Variants in RPAP2 observed in about 807,000 individuals in gnomAD.
RPAP2 encodes putative RNA polymerase II subunit B1 CTD phosphatase RPAP2.
Under a neutral mutation model 73.1 loss-of-function variants are expected in RPAP2, and 52 were observed. The ratio of observed to expected loss-of-function variants is 0.71; its 90% CI spans 0.57 to 0.90. The LOEUF is 0.90. Ranked by LOEUF, RPAP2 falls within the 40% of genes least tolerant of loss-of-function variation. RPAP2 has a pLI of 0.00. For synonymous variants in RPAP2, 225 were observed against 242.1 expected, an observed-to-expected ratio of 0.93 and a Z score of 0.65; for missense variants, 598 against 701.8, an observed-to-expected ratio of 0.85 and a Z score of 1.67.
At position 92,387,698 on chromosome 1, in the gene RPAP2, G is replaced by A. The variant is rs1655915229; in HGVS notation, c.*687G>A. 6.6e-6 allele frequency: 1 copy of A among 152,174 alleles called. No individual in the cohort carries two copies. The highest frequency in any genetic ancestry group is 2.1e-4 in the South Asian group (1 of 4,826). 9.4% of individuals were successfully genotyped at this position (152,174 alleles called of 1,614,324 possible). ...GCCAAGAAAATACTCTTGGACACTGGAGGAAATGACAGCTACTAAAGCCCA... is the reference window on the plus strand; with the variant it reads ...GCCAAGAAAATACTCTTGGACACTGAAGGAAATGACAGCTACTAAAGCCCA... On this transcript the variant is annotated 3_prime_UTR_variant, in exon 13 of 13. Coordinates refer to ENST00000610020, the MANE Select transcript of RPAP2 (RefSeq NM_024813.3).
At chr1:92,316,944 T>G (rs1260133981) in intron 6 of RPAP2, among the ~76,000 whole-genome samples, 1 of 152,180 alleles carries the variant, frequency 6.6e-6, no homozygotes, top group East Asian at 1.9e-4. Context: ...TTTAAGATAG[T>G]TAAGATCTAG....
Position 92,397,734 on chromosome 1 carries a change from A to G in RPAP2, c.*10723A>G, listed in dbSNP as rs1271080404. 1 of 152,274 alleles carries G rather than the reference A, an allele frequency of 6.6e-6. No homozygotes were observed. Among genetic ancestry groups the G allele is most frequent in the Non-Finnish European group, 1.5e-5 (1 of 68,054 alleles). The allele number at this position is 152,274 out of a possible 1,614,324, so 9.4% of individuals were successfully genotyped here. ...AAGAACCCAGGCTTCTTGAGAAAAT[A>G]GCTAGGTTCTAAGGCTAGAGCCAAA... is the stretch of plus-strand genomic sequence containing the variant. On this transcript the variant is annotated 3_prime_UTR_variant, in exon 13 of 13. Coordinates refer to ENST00000610020, the MANE Select transcript of RPAP2 (RefSeq NM_024813.3).
At chr1:92,342,853 C>T (rs1458341954) in intron 10 of RPAP2, among the ~76,000 whole-genome samples, 1 of 152,096 alleles carries the variant, frequency 6.6e-6, no homozygotes, top group Non-Finnish European at 1.5e-5. Context: ...AGGAGTGTCA[C>T]ACCATCCTTA....
chr1:92,317,987 A>G (rs1254203579), intron 6 of RPAP2, among the ~76,000 whole-genome samples: 2 of 152,128 alleles, frequency 1.3e-5, no homozygotes, highest in African/African-American at 4.8e-5. Context: ...CACAACCTCT[A>G]TCTCAATCTG....
intron 11 of RPAP2, among the ~76,000 whole-genome samples, chr1:92,364,929 G>GA (rs1654878478): frequency 6.6e-6 from 1 of 152,148 alleles, no homozygotes; most frequent in Non-Finnish European, 1.5e-5. Context: ...AATTTTGCAT[G>GA]AAATTCAAGG....
chr1:92,384,156 C>T (rs1655766836), intron 12 of RPAP2, among the ~76,000 whole-genome samples: 2 of 151,326 alleles, frequency 1.3e-5, no homozygotes, highest in South Asian at 4.2e-4. Flanking sequence ...TGGGGTTTCA[C>T]CATGTTGGCC....
At chr1:92,354,890 AATTATTATTATT>A (rs58610684) in intron 11 of RPAP2, among the ~76,000 whole-genome samples, 10 of 147,684 alleles carry the variant, frequency 6.8e-5, no homozygotes, top group African/African-American at 5.0e-5. Context: ...AATTTATGTA[AATTATTATTATT>A]ATTATTATTA....
In RPAP2 at chr1:92,304,304, A is replaced by G. The variant is rs1651058876; in HGVS notation, c.354A>G (p.Lys118=). 6.6e-7 allele frequency: 1 copy of G among 1,504,590 alleles called. No individual in the cohort carries two copies. Among genetic ancestry groups the G allele is most frequent in the East Asian group, 2.3e-5 (1 of 44,144 alleles). 93.2% of individuals were successfully genotyped at this position (1,504,590 alleles called of 1,614,324 possible). A position where few individuals can be genotyped will look rare whatever the true frequency, so the allele number is the denominator to read the frequency against. Residue 118 remains lysine, a synonymous_variant, in exon 5 of 13, where the codon AAA becomes AAG. Transcript: ENST00000610020. ...KLGIVPKQKY[K]ISTKTNKVYD... is the part of the protein sequence containing the mutation. ...TTTAGGTACCAAAACAGAAATATAA[A>G]ATTTCTACCAAAACCAATAAAGTCT...
At chr1:92,304,465 T>G (rs139194932) in intron 5 of RPAP2, 116 bp downstream of exon 5, 6 of 530,034 alleles carry the variant, frequency 1.1e-5, no homozygotes, top group African/African-American at 2.0e-5. Flanking sequence ...AAAGAAACTT[T>G]AAAATCTTAC....
intron 6 of RPAP2, among the ~76,000 whole-genome samples, chr1:92,310,953 C>T (rs1048589347): frequency 2.6e-5 from 4 of 152,148 alleles, no homozygotes; most frequent in Admixed American, 6.5e-5. Flanking sequence ...TCCAAACTTT[C>T]GACCACTATA....
intron 8 of RPAP2, among the ~76,000 whole-genome samples, chr1:92,326,900 G>A (rs1298799681): frequency 6.6e-6 from 1 of 152,194 alleles, no homozygotes; most frequent in Non-Finnish European, 1.5e-5. Flanking sequence ...GAACAAGTAG[G>A]GCTTTCACAT....
intron 11 of RPAP2, among the ~76,000 whole-genome samples, chr1:92,373,575 A>C (rs553156768): frequency 1.3e-5 from 2 of 152,008 alleles, no homozygotes; most frequent in Admixed American, 6.6e-5. Flanking sequence ...AAAGCATTAC[A>C]TTAATGACTG....
chr1:92,302,500 T>C (rs1027609974), intron 3 of RPAP2, among the ~76,000 whole-genome samples: 9 of 151,604 alleles, frequency 5.9e-5, no homozygotes, highest in Admixed American at 5.3e-4. Flanking sequence ...TTTTTGTCAA[T>C]GTAATTTCAT....
intron 11 of RPAP2, among the ~76,000 whole-genome samples, chr1:92,370,791 T>C (rs1291574455): frequency 6.6e-6 from 1 of 152,150 alleles, no homozygotes; most frequent in Non-Finnish European, 1.5e-5. Context: ...CCCAAAACAG[T>C]TGAGTCTTCA....
In RPAP2 at chr1:92,399,187, C is replaced by T. The variant is rs1656257243; in HGVS notation, c.*12176C>T. On this transcript the variant is annotated 3_prime_UTR_variant, in exon 13 of 13. Transcript: ENST00000610020. ...GTTTTCATTTTGCTTCCCAGCACCT[C>T]TGCAGTCATAACCAAAGTGAAGGAC... 6.6e-6 allele frequency: 1 copy of T among 152,218 alleles called. No homozygotes were observed. Among genetic ancestry groups the T allele is most frequent in the Non-Finnish European group, 1.5e-5 (1 of 68,060 alleles). The allele number at this position is 152,218 out of a possible 1,614,324, so 9.4% of individuals were successfully genotyped here. A position where few individuals can be genotyped will look rare whatever the true frequency, so the allele number is the denominator to read the frequency against.
chr1:92,339,300 C>T (rs1653464540), intron 10 of RPAP2, among the ~76,000 whole-genome samples: 1 of 151,716 alleles, frequency 6.6e-6, no homozygotes, highest in Admixed American at 6.6e-5. Context: ...AAATTGCCAC[C>T]TGGGTCCTAC....
intron 6 of RPAP2, among the ~76,000 whole-genome samples, chr1:92,313,466 G>T (rs563902360): frequency 8.8e-5 from 13 of 147,030 alleles, no homozygotes; most frequent in African/African-American, 2.7e-4. Flanking sequence ...TTGAGCAGTA[G>T]GTTTCAACAG....
rs1247667205 is a variant in RPAP2 at position 92,400,680 on chromosome 1, C to T, written c.*13669C>T. On this transcript the variant is annotated 3_prime_UTR_variant, in exon 13 of 13. Coordinates refer to ENST00000610020, the MANE Select transcript of RPAP2 (RefSeq NM_024813.3). ...AGAATTTTTCTGTTTGGAGCCTTCA[C>T]AATTAGTTTTAGGTTGGGAGACCGT... 2.0e-5 allele frequency: 3 copies of T among 152,238 alleles called. No homozygotes were observed. The highest frequency in any genetic ancestry group is 4.4e-5 in the Non-Finnish European group (3 of 68,030). The allele number at this position is 152,238 out of a possible 1,614,324, so 9.4% of individuals were successfully genotyped here. A position where few individuals can be genotyped will look rare whatever the true frequency, so the allele number is the denominator to read the frequency against.
chr1:92,333,311 T>C, intron 8 of RPAP2, 80 bp from the exon 9 acceptor site: 1 of 1,139,474 alleles, frequency 8.8e-7, no homozygotes, highest in Non-Finnish European at 1.3e-6. Context: ...CTTTTGTGTT[T>C]TAATGTTTAT....
Sources: gnomAD v4.1 joint callset for allele counts (sites outside exome capture counted in the v4.1 genomes callset) on GRCh38, gnomAD v4.1.1 for gene constraint, MANE v1.5 for transcripts, NCBI Gene and HGNC (gene_info 2026-07-23, HGNC 2026-07-21) for gene names.